SETBP1: variants seen among roughly 807,000 people sequenced by gnomAD.
SETBP1 encodes SET-binding protein.
In SETBP1, 9 loss-of-function variants were observed where a neutral mutation model predicts 101.0. The observed-to-expected ratio is 0.09, with a 90% confidence interval of 0.05 to 0.16. The LOEUF (loss-of-function observed/expected upper bound fraction) is 0.16, where lower values mean the gene tolerates loss of function less well. Ranked by LOEUF, SETBP1 falls within the 10% of genes least tolerant of loss-of-function variation. The pLI, the probability that SETBP1 is intolerant of heterozygous loss-of-function variation, is 1.00. For synonymous variants in SETBP1, 818 were observed against 788.5 expected, an observed-to-expected ratio of 1.04 and a Z score of -0.63; for missense variants, 1,858 against 2,033.8, an observed-to-expected ratio of 0.91 and a Z score of 1.66.
intron 2 of SETBP1, among the ~76,000 whole-genome samples, chr18:44,725,418 G>T (rs1248145060): frequency 1.3e-5 from 2 of 152,158 alleles, no homozygotes; most frequent in Non-Finnish European, 2.9e-5. Context: ...TGTGTGTGGA[G>T]GGGCAGAGTC....
rs371337440 is a variant in SETBP1 at position 44,919,584 on chromosome 18, G to A, written c.541-30297G>A. The stretch of plus-strand genomic sequence containing the variant: ...AGGATGATCTCGACCTCTTGACCTC[G>A]TGATCCACCTGCCTCAGCCTCCCTA... On this transcript the variant is annotated intron_variant, in intron 3 of 5. Coordinates refer to ENST00000649279, the MANE Select transcript of SETBP1 (RefSeq NM_015559.3). Among the ~76,000 whole-genome samples, 15 of 152,000 alleles carry A rather than the reference G, an allele frequency of 9.9e-5. No homozygotes were observed. The East Asian group carries it at 1.7e-3, about 18-fold the overall frequency.
intron 3 of SETBP1, among the ~76,000 whole-genome samples, chr18:44,943,531 G>C (rs987148775): frequency 1.3e-5 from 2 of 152,200 alleles, no homozygotes; most frequent in Non-Finnish European, 2.9e-5. Context: ...TGAGAGCTTT[G>C]AAAAAGTACT....
At chr18:44,721,428 C>T (rs187658786) in intron 2 of SETBP1, among the ~76,000 whole-genome samples, 67 of 152,278 alleles carry the variant, frequency 4.4e-4, no homozygotes, top group Admixed American at 8.5e-4. Flanking sequence ...CCAGTTGTAA[C>T]CCATCATGTG....
chr18:44,776,198 A>G (rs928353930), intron 2 of SETBP1, among the ~76,000 whole-genome samples: 2 of 152,012 alleles, frequency 1.3e-5, no homozygotes, highest in Non-Finnish European at 2.9e-5. Context: ...TTTCTTTAGG[A>G]TACTTTCTCC....
chr18:44,986,859 T>A (rs1185285365), intron 4 of SETBP1: 2 of 152,130 alleles, frequency 1.3e-5, no homozygotes, highest in African/African-American at 4.8e-5. Flanking sequence ...TAACTTTTTT[T>A]TATAAGTAGA....
chr18:44,701,086 A>T, intron 1 of SETBP1, 89 bp from the exon 2 acceptor site: 3 of 377,696 alleles, frequency 7.9e-6, no homozygotes, highest in Non-Finnish European at 1.4e-5. Context: ...TGCCATAGAT[A>T]CGTGGAAGGG....
chr18:45,030,651 T>C (rs2073276239), intron 4 of SETBP1, among the ~76,000 whole-genome samples: 1 of 149,988 alleles, frequency 6.7e-6, no homozygotes. Context: ...TGGACTCTTT[T>C]TGGTTGGTAA....
At chr18:44,981,736 A>T (rs923087249) in intron 4 of SETBP1, among the ~76,000 whole-genome samples, 12 of 152,218 alleles carry the variant, frequency 7.9e-5, no homozygotes, top group African/African-American at 2.9e-4. Flanking sequence ...ATTTTAAAGC[A>T]TGTGCCCCCT....
intron 2 of SETBP1, among the ~76,000 whole-genome samples, chr18:44,851,989 G>A (rs1287256710): frequency 2.6e-5 from 4 of 152,190 alleles, no homozygotes; most frequent in Admixed American, 6.5e-5. Flanking sequence ...CCTCCCAGGT[G>A]CAGGCGGTTC....
At chr18:45,021,790 A>G (rs2073075298) in intron 4 of SETBP1, among the ~76,000 whole-genome samples, 1 of 152,308 alleles carries the variant, frequency 6.6e-6, no homozygotes, top group Non-Finnish European at 1.5e-5. Context: ...AATGAATCAA[A>G]TAAGATTTGA....
intron 2 of SETBP1, among the ~76,000 whole-genome samples, chr18:44,745,612 A>C (rs540717252): frequency 7.2e-4 from 110 of 152,264 alleles, no homozygotes; most frequent in Non-Finnish European, 1.2e-3. Context: ...AGCATTATTC[A>C]GTGAAAAATA....
chr18:44,682,188 T>A (rs1272831771), intron 1 of SETBP1, among the ~76,000 whole-genome samples: 2 of 152,250 alleles, frequency 1.3e-5, no homozygotes, highest in Admixed American at 6.5e-5. Context: ...CCTCCTTTAG[T>A]AAATAGGTAT....
intron 2 of SETBP1, among the ~76,000 whole-genome samples, chr18:44,743,691 A>G (rs2144489865): frequency 6.6e-6 from 1 of 152,312 alleles, no homozygotes; most frequent in East Asian, 1.9e-4. Flanking sequence ...ACTAGCCCCC[A>G]TTTAACCTAC....
intron 5 of SETBP1, among the ~76,000 whole-genome samples, chr18:45,049,026 C>G (rs963986634): frequency 6.6e-6 from 1 of 150,830 alleles, no homozygotes; most frequent in Non-Finnish European, 1.5e-5. Context: ...AGCCCCTGCC[C>G]CAGAGGAGCT....
intron 2 of SETBP1, among the ~76,000 whole-genome samples, chr18:44,746,309 A>G (rs1293779495): frequency 1.3e-5 from 2 of 152,224 alleles, no homozygotes; most frequent in African/African-American, 4.8e-5. Context: ...AGGATACATG[A>G]TAGTACAATA....
chr18:45,035,764 G>A (rs951191081), intron 4 of SETBP1, among the ~76,000 whole-genome samples: 6 of 152,148 alleles, frequency 3.9e-5, no homozygotes, highest in Admixed American at 1.3e-4. Flanking sequence ...AAATCTGACC[G>A]CTTATATTTC....
intron 3 of SETBP1, among the ~76,000 whole-genome samples, chr18:44,921,419 G>T (rs1448179334): frequency 1.3e-5 from 2 of 152,060 alleles, no homozygotes; most frequent in African/African-American, 2.4e-5. Flanking sequence ...GTTGGAACTG[G>T]GTTGAGGTTC....
chr18:44,933,679 C>T (rs1041857220), intron 3 of SETBP1, among the ~76,000 whole-genome samples: 1 of 152,192 alleles, frequency 6.6e-6, no homozygotes, highest in South Asian at 2.1e-4. Flanking sequence ...CTTGCTGCAG[C>T]CTTGCAGTTT....
chr18:44,767,468 G>C (rs980903245), intron 2 of SETBP1, among the ~76,000 whole-genome samples: 1 of 152,194 alleles, frequency 6.6e-6, no homozygotes, highest in Non-Finnish European at 1.5e-5. Context: ...GAACTTAAAA[G>C]TTTCTAGTTC....
Sources: allele counts gnomAD v4.1 joint callset (sites outside exome capture counted in the v4.1 genomes callset), GRCh38; gene constraint gnomAD v4.1.1; transcripts MANE v1.5; gene names NCBI Gene and HGNC (gene_info 2026-07-23, HGNC 2026-07-21).